The following SAMD3 variants were observed in gnomAD, a reference collection of about 807,000 sequenced individuals.
SAMD3 encodes sterile alpha motif domain-containing protein 3.
SAMD3 carries 63 observed loss-of-function variants against 58.5 expected under a neutral mutation model. The observed-to-expected ratio is 1.08, with a 90% CI of 0.88 to 1.33. The LOEUF is 1.33. Ranked by LOEUF, SAMD3 falls within the 40% of genes most tolerant of loss-of-function variation. The pLI is 0.00. For missense variants in SAMD3, 604 were observed against 608.4 expected (o/e 0.99, Z 0.08); for synonymous variants, 220 against 210.3 (o/e 1.05, Z -0.40).
intron 9 of SAMD3, among the ~76,000 whole-genome samples, chr6:130,147,082 C>T (rs1488156854): frequency 1.3e-5 from 2 of 152,182 alleles, no homozygotes; most frequent in African/African-American, 4.8e-5. Context: ...CCCCATCCTA[C>T]CACTGCCTGA....
chr6:130,187,035 G>T (rs182472115), intron 5 of SAMD3, among the ~76,000 whole-genome samples: 4 of 152,202 alleles, frequency 2.6e-5, no homozygotes, highest in Admixed American at 6.5e-5. Flanking sequence ...CTCCCAAAGC[G>T]CTGGGATTAC....
At chr6:130,358,887 T>C (rs1004481268) in intron 1 of SAMD3, among the ~76,000 whole-genome samples, 2 of 152,318 alleles carry the variant, frequency 1.3e-5, no homozygotes, top group East Asian at 1.9e-4. Context: ...TGGTATTCCA[T>C]TGTATGAACA....
At chr6:130,308,348 G>A (rs906676825) in intron 2 of SAMD3, among the ~76,000 whole-genome samples, 1 of 104,560 alleles carries the variant, frequency 9.6e-6, no homozygotes, top group African/African-American at 7.0e-5. Flanking sequence ...CAAGTTCATA[G>A]AATTCTATTC....
intron 4 of SAMD3, among the ~76,000 whole-genome samples, chr6:130,213,054 G>C (rs1041256879): frequency 6.6e-6 from 1 of 152,132 alleles, no homozygotes; most frequent in East Asian, 1.9e-4. Context: ...AGGCTGAGGT[G>C]GGAGGATGGC....
chr6:130,303,621 A>G (rs1182622301), intron 2 of SAMD3, among the ~76,000 whole-genome samples: 1 of 152,150 alleles, frequency 6.6e-6, no homozygotes, highest in Non-Finnish European at 1.5e-5. Flanking sequence ...ACCATTCATC[A>G]GTGAGTTATG....
At chr6:130,173,815 A>T (rs1582791603) in intron 8 of SAMD3, among the ~76,000 whole-genome samples, 1 of 152,104 alleles carries the variant, frequency 6.6e-6, no homozygotes, top group Admixed American at 6.5e-5. Flanking sequence ...TCCCCCAGGC[A>T]CTCTGTCCCA....
At chr6:130,338,235 A>G (rs1403439372) in intron 1 of SAMD3, among the ~76,000 whole-genome samples, 4 of 152,226 alleles carry the variant, frequency 2.6e-5, no homozygotes. Context: ...GCTTCCAAGT[A>G]GTGTTTGGCC....
intron 10 of SAMD3, 57 bp from the exon 11 acceptor site, chr6:130,145,479 G>C (rs1788538610): frequency 8.3e-7 from 1 of 1,205,056 alleles, no homozygotes; most frequent in Admixed American, 1.8e-5. Flanking sequence ...GCAATTGTAA[G>C]CTAAGCTAGT....
At chr6:130,255,426 C>T (rs1773891247) in intron 2 of SAMD3, among the ~76,000 whole-genome samples, 1 of 152,306 alleles carries the variant, frequency 6.6e-6, no homozygotes, top group Admixed American at 6.5e-5. Context: ...TGTATGCAAT[C>T]TATCTCTCTT....
intron 5 of SAMD3, among the ~76,000 whole-genome samples, chr6:130,198,013 C>A (rs1794299979): frequency 6.6e-6 from 1 of 152,158 alleles, no homozygotes; most frequent in African/African-American, 2.4e-5. Context: ...AAAGCTCCCC[C>A]ACTGAGTACC....
rs145609575 is a variant in SAMD3, at chr6:130,236,002, A to G, written c.-187-13189T>C. 2.3e-3 allele frequency among the ~76,000 whole-genome samples: 343 copies of G among 152,330 alleles called. 1 individual carries two copies. Among genetic ancestry groups the G allele is most frequent in the African/African-American group, 7.7e-3 (319 of 41,580 alleles). On this transcript the variant is annotated intron_variant, in intron 2 of 13. Coordinates refer to the SAMD3 transcript ENST00000368134. The stretch of plus-strand genomic sequence containing the variant: ...GCTGGGTTTTGAACCTAGAGGTCAA[A>G]CACCCAATACACATAACCTAAACAA...
intron 2 of SAMD3, among the ~76,000 whole-genome samples, chr6:130,229,673 A>G (rs1033907920): frequency 6.6e-6 from 1 of 152,202 alleles, no homozygotes; most frequent in Admixed American, 6.5e-5. Context: ...ACCTAGGAAT[A>G]AAATTGATTA....
At chr6:130,285,140 T>C (rs945081811) in intron 2 of SAMD3, among the ~76,000 whole-genome samples, 1 of 152,170 alleles carries the variant, frequency 6.6e-6, no homozygotes, top group Admixed American at 6.5e-5. Context: ...TAATACTGAA[T>C]GACAAAAGAG....
chr6:130,157,344 A>ATTT (rs11405398), intron 8 of SAMD3, among the ~76,000 whole-genome samples: 2 of 148,416 alleles, frequency 1.3e-5, no homozygotes, highest in East Asian at 2.0e-4. Context: ...GAGCTAACAT[A>ATTT]TTTTTTTTTT....
intron 9 of SAMD3, among the ~76,000 whole-genome samples, chr6:130,148,233 C>G (rs150954359): frequency 1.9e-3 from 289 of 152,278 alleles, no homozygotes; most frequent in African/African-American, 6.8e-3. Context: ...AAGATAGTTT[C>G]TTTTCTTCCA....
chr6:130,229,344 C>G (rs2876097), intron 2 of SAMD3, among the ~76,000 whole-genome samples: 5,743 of 152,156 alleles, frequency 0.038, 112 homozygotes, highest in African/African-American at 0.052. Context: ...GCGCCCATGT[C>G]GTAGACTTCA....
upstream of SAMD3, among the ~76,000 whole-genome samples, chr6:130,223,545 A>T (rs1796296778): frequency 6.6e-6 from 1 of 152,234 alleles, no homozygotes; most frequent in African/African-American, 2.4e-5. Context: ...TGGTAGAGTC[A>T]AGCTGGGCTC....
At chr6:130,202,909 C>T (rs902535782) in intron 5 of SAMD3, among the ~76,000 whole-genome samples, 1 of 152,116 alleles carries the variant, frequency 6.6e-6, no homozygotes, top group African/African-American at 2.4e-5. Flanking sequence ...TTTGATGCCC[C>T]CCCTCCTCCC....
chr6:130,148,919 C>T (rs938617254), intron 9 of SAMD3, among the ~76,000 whole-genome samples: 6 of 152,024 alleles, frequency 3.9e-5, no homozygotes, highest in Non-Finnish European at 5.9e-5. Context: ...CAACTTGCTA[C>T]GGAGATGTTA....
Sources: allele counts gnomAD v4.1 joint callset (sites outside exome capture counted in the v4.1 genomes callset), GRCh38; gene constraint gnomAD v4.1.1; transcripts MANE v1.5; gene names NCBI Gene and HGNC (gene_info 2026-07-23, HGNC 2026-07-21).